IL1RAPL1: variants seen among roughly 807,000 people sequenced by gnomAD.
IL1RAPL1 encodes interleukin 1 receptor accessory protein like 1.
In IL1RAPL1, 3 loss-of-function variants were observed where a neutral mutation model predicts 48.4. The observed-to-expected ratio is 0.06, with a 90% CI of 0.03 to 0.16. The LOEUF is 0.16. IL1RAPL1 is among the 10% of genes least tolerant of loss of function. IL1RAPL1 has a pLI of 1.00. For missense variants in IL1RAPL1, 349 were observed against 530.6 expected (o/e 0.66, Z 3.36); for synonymous variants, 185 against 187.7 (o/e 0.99, Z 0.12).
At chrX:28,797,775 C>T (rs1361142712) in intron 2 of IL1RAPL1, among the ~76,000 whole-genome samples, 2 of 111,967 alleles carry the variant, frequency 1.8e-5, no homozygotes, top group Non-Finnish European at 3.8e-5. Flanking sequence ...AAAGTCGCTT[C>T]TGCATTTTCC....
intron 3 of IL1RAPL1, among the ~76,000 whole-genome samples, chrX:29,333,448 CAGA>C (rs2147636559): frequency 1.1e-5 from 1 of 90,784 alleles, no homozygotes; most frequent in African/African-American, 4.0e-5. Flanking sequence ...GCTGGCCGGG[CAGA>C]GGGGCTCCTC....
intron 6 of IL1RAPL1, among the ~76,000 whole-genome samples, chrX:29,833,557 A>G (rs111721557): frequency 0.021 from 2,328 of 111,277 alleles, 26 homozygotes; most frequent in Non-Finnish European, 0.033. Context: ...ATAGAAACTT[A>G]TTTACATGGG....
chrX:29,535,134 CAAAAAAAAAAAAAAAA>C (rs35842937), intron 5 of IL1RAPL1, among the ~76,000 whole-genome samples: 2 of 22,583 alleles, frequency 8.9e-5, no homozygotes, highest in African/African-American at 1.9e-4. Context: ...ACTCTGTCTC[CAAAAAAAAAAAAAAAA>C]AAAAAAAAAA....
chrX:29,131,278 A>G (rs1286025233), intron 2 of IL1RAPL1, among the ~76,000 whole-genome samples: 1 of 109,522 alleles, frequency 9.1e-6, no homozygotes. Flanking sequence ...GTGTGTGTAT[A>G]TATATATATA....
intron 2 of IL1RAPL1, among the ~76,000 whole-genome samples, chrX:29,270,399 T>C (rs1416351290): frequency 8.9e-6 from 1 of 112,256 alleles, no homozygotes; most frequent in East Asian, 2.8e-4. Flanking sequence ...AAAAGTTTTA[T>C]GGTTTTATGC....
intron 1 of IL1RAPL1, among the ~76,000 whole-genome samples, chrX:28,788,632 AT>A (rs140618332): frequency 3.4e-3 from 315 of 92,606 alleles, no homozygotes; most frequent in African/African-American, 7.5e-3. Flanking sequence ...ACGCCCAGCT[AT>A]TTTTTTTTTT....
At chrX:29,535,317 T>A (rs1461113052) in intron 5 of IL1RAPL1, among the ~76,000 whole-genome samples, 4 of 110,675 alleles carry the variant, frequency 3.6e-5, no homozygotes, top group Non-Finnish European at 5.7e-5. Flanking sequence ...ACTAAAAATA[T>A]CTAATGCATA....
At chrX:29,584,743 T>A (rs1020211648) in intron 5 of IL1RAPL1, among the ~76,000 whole-genome samples, 1 of 111,456 alleles carries the variant, frequency 9.0e-6, no homozygotes, top group African/African-American at 3.3e-5. Flanking sequence ...TTTGTTGAGA[T>A]GGGGTCTCAC....
At chrX:28,737,097 C>T (rs866954225) in intron 1 of IL1RAPL1, among the ~76,000 whole-genome samples, 2 of 103,050 alleles carry the variant, frequency 1.9e-5, no homozygotes, top group Non-Finnish European at 4.0e-5. Context: ...CGTTTTGTTT[C>T]TTTTCTTTTC....
At chrX:29,645,420 A>G (rs764519032) in intron 5 of IL1RAPL1, among the ~76,000 whole-genome samples, 2 of 111,540 alleles carry the variant, frequency 1.8e-5, no homozygotes, top group Non-Finnish European at 3.8e-5. Flanking sequence ...CCCAGTAAGC[A>G]TAGCATGGAA....
intron 2 of IL1RAPL1, among the ~76,000 whole-genome samples, chrX:28,883,417 G>T (rs1299903564): frequency 8.9e-6 from 1 of 111,869 alleles, no homozygotes; most frequent in Non-Finnish European, 1.9e-5. Flanking sequence ...GCTATGTGGA[G>T]CTATAAAGCA....
rs778830289 is a variant in IL1RAPL1 at position 29,661,042 on chromosome X, A to C, written c.704-7388A>C. On this transcript the variant is annotated intron_variant, in intron 5 of 10. Coordinates refer to ENST00000378993, the MANE Select transcript of IL1RAPL1 (RefSeq NM_014271.4). ...GTGTTTTATAGTTTTCCTTGTAGAG[A>C]TCTTTCATCTCCTTGGTTAAACTTA... Among the ~76,000 whole-genome samples, 3 of 111,493 alleles carry C rather than the reference A, an allele frequency of 2.7e-5. No individual in the cohort carries two copies. In the South Asian group the frequency reaches 1.1e-3, roughly 41 times the overall value.
intron 1 of IL1RAPL1, among the ~76,000 whole-genome samples, chrX:28,764,587 A>G (rs1288469224): frequency 3.6e-5 from 4 of 111,294 alleles, no homozygotes; most frequent in Admixed American, 9.6e-5. Flanking sequence ...TTTAACAGAC[A>G]TATTCTATGT....
At chrX:28,947,233 C>T (rs1046089587) in intron 2 of IL1RAPL1, among the ~76,000 whole-genome samples, 3 of 111,336 alleles carry the variant, frequency 2.7e-5, no homozygotes, top group Non-Finnish European at 5.7e-5. Flanking sequence ...TTTGTGTATC[C>T]GTGTGTCCAA....
intron 5 of IL1RAPL1, among the ~76,000 whole-genome samples, chrX:29,492,858 A>G: frequency 9.0e-6 from 1 of 111,632 alleles, no homozygotes; most frequent in Non-Finnish European, 1.9e-5. Context: ...TGTCTAGTGC[A>G]GTTGTGTGGG....
At chrX:29,709,004 A>G (rs1927270996) in intron 6 of IL1RAPL1, among the ~76,000 whole-genome samples, 1 of 111,952 alleles carries the variant, frequency 8.9e-6, no homozygotes, top group Non-Finnish European at 1.9e-5. Context: ...TCTGTTGGCC[A>G]TTTGTATCTC....
At chrX:28,787,427 C>T (rs1378660223) in intron 1 of IL1RAPL1, among the ~76,000 whole-genome samples, 1 of 111,591 alleles carries the variant, frequency 9.0e-6, no homozygotes, top group African/African-American at 3.3e-5. Flanking sequence ...CAGATTTGTA[C>T]TTTAATGTGG....
intron 2 of IL1RAPL1, among the ~76,000 whole-genome samples, chrX:29,221,099 T>C (rs1379447078): frequency 9.0e-6 from 1 of 111,091 alleles, no homozygotes; most frequent in Non-Finnish European, 1.9e-5. Context: ...TTTGTATTTT[T>C]AGTAGAGATG....
intron 1 of IL1RAPL1, among the ~76,000 whole-genome samples, chrX:28,697,084 T>C (rs1476055613): frequency 9.0e-6 from 1 of 111,603 alleles, no homozygotes; most frequent in Non-Finnish European, 1.9e-5. Context: ...ATGTTGTAGA[T>C]TGATCAGTTG....
Sources: gnomAD v4.1 joint callset for allele counts (sites outside exome capture counted in the v4.1 genomes callset) on GRCh38, gnomAD v4.1.1 for gene constraint, MANE v1.5 for transcripts, NCBI Gene and HGNC (gene_info 2026-07-23, HGNC 2026-07-21) for gene names.